Variants in NUBPL observed in about 807,000 individuals in gnomAD.
NUBPL encodes the protein NUBP iron-sulfur cluster assembly factor, mitochondrial.
In NUBPL, 31 loss-of-function variants were observed where a neutral mutation model predicts 45.7. The ratio of observed to expected loss-of-function variants is 0.68; its 90% confidence interval spans 0.51 to 0.92. The LOEUF (loss-of-function observed/expected upper bound fraction) is 0.92, where lower values mean the gene tolerates loss of function less well. Ranked by LOEUF, NUBPL falls within the 40% of genes least tolerant of loss-of-function variation. The pLI, the probability that NUBPL is intolerant of heterozygous loss-of-function variation, is 0.00. For missense variants in NUBPL, 401 were observed against 398.7 expected, an observed-to-expected ratio of 1.01 and a Z score of -0.05; for synonymous variants, 144 against 140.9, an observed-to-expected ratio of 1.02 and a Z score of -0.15.
chr14:31,673,724 A>G lies in NUBPL; in HGVS notation c.513+150A>G, dbSNP rs8013530. The G allele has an allele frequency of 0.47, 339,066 of 718,506 alleles. 85,046 individuals carry two copies. The highest frequency in any genetic ancestry group is 0.82 in the African/African-American group (46,852 of 57,050). The allele number at this position is 718,506 out of a possible 1,614,324, so 44.5% of individuals were successfully genotyped here. A position where few individuals can be genotyped will look rare whatever the true frequency, so the allele number is the denominator to read the frequency against. On this transcript the variant is annotated intron_variant, in intron 6 of 10. Transcript: ENST00000281081. ...ATATGGCACCTAATGAGTTAATGTG[A>G]TGCCAAGACCAAACTTCACTGTTAA...
At chr14:31,813,653 AT>A (rs2039859723) in intron 7 of NUBPL, among the ~76,000 whole-genome samples, 1 of 152,102 alleles carries the variant, frequency 6.6e-6, no homozygotes, top group Non-Finnish European at 1.5e-5. Flanking sequence ...TGTCATCTAC[AT>A]TAGGTATTTC....
chr14:31,802,308 G>T (rs904726625), intron 7 of NUBPL, among the ~76,000 whole-genome samples: 1 of 150,420 alleles, frequency 6.6e-6, no homozygotes, highest in Non-Finnish European at 1.5e-5. Flanking sequence ...ACAGAGTCTT[G>T]CTCTGTCACC....
intron 4 of NUBPL, among the ~76,000 whole-genome samples, chr14:31,621,724 GTTC>G (rs2035068606): frequency 6.6e-6 from 1 of 152,198 alleles, no homozygotes; most frequent in South Asian, 2.1e-4. Context: ...GACTGGAGCT[GTTC>G]TTATTCAGCC....
intron 4 of NUBPL, among the ~76,000 whole-genome samples, chr14:31,658,272 G>C (rs924388566): frequency 1.6e-4 from 24 of 152,142 alleles, no homozygotes; most frequent in Non-Finnish European, 2.9e-4. Context: ...ACTTAATGAA[G>C]AAACAGGCCT....
intron 7 of NUBPL, among the ~76,000 whole-genome samples, chr14:31,792,537 G>A (rs1031298809): frequency 6.6e-6 from 1 of 152,072 alleles, no homozygotes; most frequent in Non-Finnish European, 1.5e-5. Flanking sequence ...TGTCTGTATA[G>A]AGTTGTAGCA....
intron 6 of NUBPL, among the ~76,000 whole-genome samples, chr14:31,699,139 G>T (rs1173352584): frequency 1.3e-5 from 2 of 152,206 alleles, no homozygotes; most frequent in Non-Finnish European, 2.9e-5. Context: ...ACAGGCATGA[G>T]CCACTGTGCC....
chr14:31,674,276 A>G (rs1006448810), intron 6 of NUBPL, among the ~76,000 whole-genome samples: 2 of 152,172 alleles, frequency 1.3e-5, no homozygotes. Context: ...TTCAGATTCT[A>G]CTTTGGGTCA....
chr14:31,567,002 G>A (rs2033453070), intron 3 of NUBPL, among the ~76,000 whole-genome samples: 2 of 152,208 alleles, frequency 1.3e-5, no homozygotes, highest in South Asian at 4.1e-4. Flanking sequence ...TTTTATAGAA[G>A]TAGGAAACTA....
At chr14:31,693,501 T>C (rs1322198843) in intron 6 of NUBPL, among the ~76,000 whole-genome samples, 1 of 152,196 alleles carries the variant, frequency 6.6e-6, no homozygotes, top group Non-Finnish European at 1.5e-5. Flanking sequence ...AGATAAAATA[T>C]TAAATTATGT....
intron 4 of NUBPL, among the ~76,000 whole-genome samples, chr14:31,657,556 A>C (rs2036170252): frequency 6.6e-6 from 1 of 152,156 alleles, no homozygotes. Context: ...TTATGCAGGC[A>C]GTCATAATTT....
At chr14:31,775,969 C>T (rs1215140357) in intron 6 of NUBPL, among the ~76,000 whole-genome samples, 1 of 152,140 alleles carries the variant, frequency 6.6e-6, no homozygotes, top group Admixed American at 6.6e-5. Flanking sequence ...GGTCAGGAAA[C>T]ATTTCTATAT....
At chr14:31,671,906 C>T (rs1176476682) in intron 4 of NUBPL, among the ~76,000 whole-genome samples, 1 of 152,070 alleles carries the variant, frequency 6.6e-6, no homozygotes, top group Non-Finnish European at 1.5e-5. Context: ...AAGAACATAT[C>T]TTGAAATCTG....
In NUBPL at chr14:31,840,877, T is replaced by C. The variant is rs548247214; in HGVS notation, c.694-5594T>C. ...CCACCTTCTAGTCACTACCCCAAAA[T>C]GGAACCCGAATTATAACACTATAGA... On this transcript the variant is annotated intron_variant, in intron 8 of 10. Coordinates refer to ENST00000281081, the MANE Select transcript of NUBPL (RefSeq NM_025152.3). Among the ~76,000 whole-genome samples, 9 of 152,336 alleles carry C rather than the reference T, an allele frequency of 5.9e-5. No homozygotes were observed. In the South Asian group the frequency reaches 1.4e-3, roughly 25 times the overall value.
intron 8 of NUBPL, 155 bp from the exon 9 acceptor site, chr14:31,846,316 G>T: frequency 6.0e-6 from 4 of 668,610 alleles, no homozygotes; most frequent in South Asian, 5.1e-5. Flanking sequence ...ACTAGCTCAT[G>T]AGTTCCTTCA....
At chr14:31,596,433 A>G (rs972041667) in intron 3 of NUBPL, among the ~76,000 whole-genome samples, 1 of 152,180 alleles carries the variant, frequency 6.6e-6, no homozygotes, top group African/African-American at 2.4e-5. Flanking sequence ...ATCATGAAAA[A>G]CTTTGCTCTC....
At chr14:31,710,593 A>G (rs528538147) in intron 6 of NUBPL, among the ~76,000 whole-genome samples, 1 of 152,294 alleles carries the variant, frequency 6.6e-6, no homozygotes, top group African/African-American at 2.4e-5. Context: ...CGCATTCTCG[A>G]AAACCTGTTA....
intron 4 of NUBPL, among the ~76,000 whole-genome samples, chr14:31,603,299 G>GAAAAAAAAAAAAAAAAAAAAAAA: frequency 1.8e-5 from 1 of 57,096 alleles, no homozygotes; most frequent in African/African-American, 6.2e-5. Context: ...GATCCTGTCT[G>GAAAAAAAAAAAAAAAAAAAAAAA]AAAAAAAAAA....
chr14:31,708,876 A>G (rs1489688309), intron 6 of NUBPL, among the ~76,000 whole-genome samples: 1 of 152,184 alleles, frequency 6.6e-6, no homozygotes, highest in East Asian at 1.9e-4. Context: ...CATAGCAGAC[A>G]TGGACGAGGG....
intron 6 of NUBPL, among the ~76,000 whole-genome samples, chr14:31,692,842 CA>C (rs2037123675): frequency 6.6e-6 from 1 of 151,954 alleles, no homozygotes; most frequent in African/African-American, 2.4e-5. Context: ...TGGGAAGAGC[CA>C]AAGGAGTTTG....
Sources: allele counts gnomAD v4.1 joint callset (sites outside exome capture counted in the v4.1 genomes callset), GRCh38; gene constraint gnomAD v4.1.1; transcripts MANE v1.5; gene names NCBI Gene and HGNC (gene_info 2026-07-23, HGNC 2026-07-21).